Variants in CADM1 observed in about 807,000 individuals in gnomAD.
CADM1 encodes cell adhesion molecule 1, also known as TSLC-1.
In CADM1, 15 loss-of-function variants were observed where a neutral mutation model predicts 53.1. That is an observed-to-expected ratio of 0.28 (90% CI 0.19 to 0.44). The LOEUF (loss-of-function observed/expected upper bound fraction) is 0.44. Ranked by LOEUF, CADM1 falls within the 20% of genes least tolerant of loss-of-function variation. The pLI is 1.00. For missense variants in CADM1, 434 were observed against 611.3 expected, an observed-to-expected ratio of 0.71 and a Z score of 3.06; for synonymous variants, 281 against 243.0, an observed-to-expected ratio of 1.16 and a Z score of -1.45.
intron 7 of CADM1, 123 bp downstream of exon 7, chr11:115,214,485 A>C (rs987418839): frequency 4.3e-6 from 4 of 941,102 alleles, no homozygotes; most frequent in East Asian, 5.1e-5. Context: ...GGCTTCTTTA[A>C]GTTCTAGAAG....
chr11:115,231,035 C>T (rs1375357030), intron 4 of CADM1, among the ~76,000 whole-genome samples: 1 of 152,172 alleles, frequency 6.6e-6, no homozygotes, highest in East Asian at 1.9e-4. Context: ...ACAGAGACAG[C>T]CTGAGCTCAG....
rs908068461 is a variant in CADM1 at position 115,173,871 on chromosome 11, T to G, written c.*2603A>C. 8 of 969,208 alleles carry G rather than the reference T, an allele frequency of 8.3e-6. No homozygotes were observed. Among genetic ancestry groups the G allele is most frequent in the Non-Finnish European group, 9.8e-6 (8 of 815,304 alleles). 60.0% of individuals were successfully genotyped at this position (969,208 alleles called of 1,614,324 possible). A position where few individuals can be genotyped will look rare whatever the true frequency, so the allele number is the denominator to read the frequency against. ...AAGCTTATTTGGCATCAATTATACATCCTTCATTATTTTATATTCCTTTAA... is the reference window on the plus strand; with the variant it reads ...AAGCTTATTTGGCATCAATTATACAGCCTTCATTATTTTATATTCCTTTAA... On this transcript the variant is annotated 3_prime_UTR_variant, in exon 12 of 12. Coordinates refer to ENST00000331581, the MANE Select transcript of CADM1 (RefSeq NM_001301043.2).
chr11:115,485,284 A>G (rs947025079), intron 1 of CADM1, among the ~76,000 whole-genome samples: 14 of 151,908 alleles, frequency 9.2e-5, no homozygotes, highest in African/African-American at 3.4e-4. Flanking sequence ...TTAAGATTCA[A>G]CCTCTCTGCA....
intron 1 of CADM1, among the ~76,000 whole-genome samples, chr11:115,400,631 T>C (rs1226607144): frequency 7.7e-6 from 1 of 129,248 alleles, no homozygotes; most frequent in Non-Finnish European, 1.6e-5. Flanking sequence ...TATATATGTA[T>C]CATATATATG....
At chr11:115,338,145 C>T (rs1326636724) in intron 1 of CADM1, among the ~76,000 whole-genome samples, 1 of 152,124 alleles carries the variant, frequency 6.6e-6, no homozygotes, top group African/African-American at 2.4e-5. Flanking sequence ...AACATCATTA[C>T]CACCATCATA....
chr11:115,194,871 C>T (rs1940074537), intron 9 of CADM1, among the ~76,000 whole-genome samples: 1 of 152,164 alleles, frequency 6.6e-6, no homozygotes, highest in African/African-American at 2.4e-5. Flanking sequence ...CAGAAGCGCC[C>T]ACATATGAAC....
chr11:115,218,774 G>A (rs548975375), intron 5 of CADM1, among the ~76,000 whole-genome samples: 1 of 152,276 alleles, frequency 6.6e-6, no homozygotes, highest in African/African-American at 2.4e-5. Context: ...TCCTAATGCA[G>A]TGAGGTACTT....
intron 1 of CADM1, among the ~76,000 whole-genome samples, chr11:115,356,951 A>G (rs1326308138): frequency 6.6e-6 from 1 of 152,236 alleles, no homozygotes; most frequent in Non-Finnish European, 1.5e-5. Flanking sequence ...AGTGTATTCC[A>G]ACTGTGTTAT....
intron 10 of CADM1, among the ~76,000 whole-genome samples, chr11:115,181,251 T>C (rs909592678): frequency 2.0e-5 from 3 of 151,978 alleles, no homozygotes; most frequent in Non-Finnish European, 4.4e-5. Flanking sequence ...TCTCACGAGG[T>C]ATATGTATCT....
Position 115,286,007 on chromosome 11 carries a change from A to G in CADM1, c.125-45587T>C, listed in dbSNP as rs191280599. Among the ~76,000 whole-genome samples the G allele has an allele frequency of 5.3e-5, 8 of 152,340 alleles. No individual in the cohort carries two copies. In the East Asian group the frequency reaches 1.5e-3, roughly 29 times the overall value. On this transcript the variant is annotated intron_variant, in intron 1 of 11. Transcript: ENST00000331581. ...AAAATGAAATAATTTAGCAGAAAGC[A>G]CCATGATATACTCAAAGGCCACAGA...
At chr11:115,285,463 A>G (rs908221590) in intron 1 of CADM1, among the ~76,000 whole-genome samples, 4 of 152,220 alleles carry the variant, frequency 2.6e-5, no homozygotes, top group African/African-American at 9.6e-5. Context: ...AGAGAGTTGA[A>G]TAACTTGTTC....
At chr11:115,259,274 C>T (rs963720019) in intron 1 of CADM1, among the ~76,000 whole-genome samples, 2 of 150,400 alleles carry the variant, frequency 1.3e-5, no homozygotes, top group African/African-American at 4.9e-5. Flanking sequence ...GCGTGCGCCA[C>T]CGCACCCAGT....
intron 1 of CADM1, among the ~76,000 whole-genome samples, chr11:115,245,902 G>GT (rs1942393252): frequency 6.6e-6 from 1 of 152,130 alleles, no homozygotes; most frequent in African/African-American, 2.4e-5. Context: ...CATTTACAGA[G>GT]TTTTATATCA....
rs147518232 is a variant in CADM1, at chr11:115,194,786, G to A, written c.1111+3620C>T. On this transcript the variant is annotated intron_variant, in intron 9 of 11. Transcript: ENST00000331581. ...CCAGACCATGGGCATGCTGTCACCC[G>A]ACCCCTCACATTGGGGAGGAGGGTG... is the stretch of plus-strand genomic sequence containing the variant. 6.5e-4 allele frequency among the ~76,000 whole-genome samples: 99 copies of A among 152,206 alleles called. 1 individual carries two copies. In the East Asian group the frequency reaches 0.016, roughly 25 times the overall value.
chr11:115,260,227 G>T (rs1418078637), intron 1 of CADM1, among the ~76,000 whole-genome samples: 1 of 152,068 alleles, frequency 6.6e-6, no homozygotes, highest in Non-Finnish European at 1.5e-5. Flanking sequence ...ACCATGCCCG[G>T]CCACCCTTTT....
chr11:115,397,311 A>G (rs1346923256), intron 1 of CADM1: 5 of 152,162 alleles, frequency 3.3e-5, no homozygotes, highest in Admixed American at 2.6e-4. Flanking sequence ...TCCAAGATAG[A>G]TTCTGGTATC....
At chr11:115,503,821 T>C (rs1591314290) in intron 1 of CADM1, among the ~76,000 whole-genome samples, 1 of 140,486 alleles carries the variant, frequency 7.1e-6, no homozygotes, top group Non-Finnish European at 1.6e-5. Context: ...GCTTCGGGGA[T>C]GGAGAACTGG....
At chr11:115,243,124 C>T (rs2134929725) in intron 1 of CADM1, among the ~76,000 whole-genome samples, 1 of 152,324 alleles carries the variant, frequency 6.6e-6, no homozygotes, top group East Asian at 1.9e-4. Flanking sequence ...TAAGGCCAGA[C>T]TATTTTAATG....
chr11:115,415,005 G>A (rs138008695), intron 1 of CADM1, among the ~76,000 whole-genome samples: 316 of 152,188 alleles, frequency 2.1e-3, no homozygotes, highest in Non-Finnish European at 3.0e-3. Context: ...AAGGATCTAC[G>A]ACTTTAGACT....
Sources: allele counts gnomAD v4.1 joint callset (sites outside exome capture counted in the v4.1 genomes callset), GRCh38; gene constraint gnomAD v4.1.1; transcripts MANE v1.5; gene names NCBI Gene and HGNC (gene_info 2026-07-23, HGNC 2026-07-21).